The following GNAS-AS1 variants were observed in gnomAD, a reference collection of about 807,000 sequenced individuals.
GNAS-AS1 encodes the protein GNAS antisense RNA 1.
At chr20:58,821,873 G>A (rs1158182418) in intron 4 of GNAS-AS1, among the ~76,000 whole-genome samples, 1 of 152,122 alleles carries the variant, frequency 6.6e-6, no homozygotes, top group Non-Finnish European at 1.5e-5. Flanking sequence ...GCCCACAACA[G>A]CCCCAACAGA....
chr20:58,836,781 C>T (rs149212821), intron 4 of GNAS-AS1, among the ~76,000 whole-genome samples: 1 of 152,196 alleles, frequency 6.6e-6, no homozygotes, highest in African/African-American at 2.4e-5. Flanking sequence ...AGTGCAGTCC[C>T]CCACTCCTTC....
At chr20:58,843,864 T>C (rs575553158) in intron 2 of GNAS-AS1, among the ~76,000 whole-genome samples, 35 of 152,324 alleles carry the variant, frequency 2.3e-4, no homozygotes, top group South Asian at 4.1e-4. Context: ...CAACCTGATG[T>C]AGGTTTAAAG....
rs369425917 is a variant in GNAS-AS1 at position 58,832,161 on chromosome 20, C to T, written n.819+9776G>A. ...ATTTCTATAAATACATAATAAGAGG[C>T]CTGAAAATATAATTAAAAAAAGAGT... is the stretch of plus-strand genomic sequence containing the variant. On this transcript the variant is annotated intron_variant and non_coding_transcript_variant, in intron 4 of 4. Coordinates refer to ENST00000424094, the Ensembl canonical transcript of GNAS-AS1. Among the ~76,000 whole-genome samples, 12 of 151,424 alleles carry T rather than the reference C, an allele frequency of 7.9e-5. No individual in the cohort carries two copies. The East Asian group carries it at 2.1e-3, about 27-fold the overall frequency.
chr20:58,830,436 A>G (rs1263440774), intron 4 of GNAS-AS1, among the ~76,000 whole-genome samples: 5 of 78,108 alleles, frequency 6.4e-5, no homozygotes, highest in East Asian at 3.9e-4. Context: ...CCACACCACC[A>G]TCATTACCAC....
intron 4 of GNAS-AS1, among the ~76,000 whole-genome samples, chr20:58,833,126 CTCCTCCACTTAAGTCA>C (rs2145459636): frequency 6.6e-6 from 1 of 152,384 alleles, no homozygotes; most frequent in South Asian, 2.1e-4. Context: ...AGGCGAGGAT[CTCCTCCACTTAAGTCA>C]AATCTCACAT....
intron 4 of GNAS-AS1, among the ~76,000 whole-genome samples, chr20:58,828,394 C>A (rs987710305): frequency 1.3e-5 from 2 of 152,226 alleles, no homozygotes; most frequent in Admixed American, 6.5e-5. Flanking sequence ...GACATCTGAG[C>A]CCTTGGCTCA....
intron 4 of GNAS-AS1, among the ~76,000 whole-genome samples, chr20:58,821,060 C>T (rs1226649416): frequency 6.6e-6 from 1 of 152,238 alleles, no homozygotes; most frequent in Admixed American, 6.5e-5. Context: ...TTCAAGCCAG[C>T]AGGGCCCTGC....
chr20:58,842,082 C>T (rs1797864870), exon 4 of GNAS-AS1: 7 of 409,748 alleles, frequency 1.7e-5, no homozygotes, highest in East Asian at 3.6e-5. Flanking sequence ...CGGCGTGCTC[C>T]GGCCATTTTC....
At chr20:58,850,896 G>C (rs981279708) in exon 1 of GNAS-AS1, 1 of 398,580 alleles carries the variant, frequency 2.5e-6, no homozygotes, top group Non-Finnish European at 4.4e-6. Flanking sequence ...CCAACGCGGC[G>C]CCCCCTATTG....
At chr20:58,842,358 C>T (rs1600663902) in intron 3 of GNAS-AS1, 1 of 397,938 alleles carries the variant, frequency 2.5e-6, no homozygotes, top group Non-Finnish European at 4.4e-6. Context: ...AATAGTAAAG[C>T]GTTTTGAGGG....
intron 4 of GNAS-AS1, among the ~76,000 whole-genome samples, chr20:58,838,453 G>A (rs999131667): frequency 1.3e-5 from 2 of 152,222 alleles, no homozygotes; most frequent in Admixed American, 6.5e-5. Context: ...GGTGGGTACA[G>A]AGGGATTCTG....
intron 4 of GNAS-AS1, chr20:58,836,296 T>C (rs368718967): frequency 5.9e-5 from 9 of 152,322 alleles, no homozygotes; most frequent in South Asian, 2.1e-4. Context: ...GCCCACTCCA[T>C]GTCAGATTCT....
chr20:58,820,754 C>T (rs141405438), intron 4 of GNAS-AS1, among the ~76,000 whole-genome samples: 6 of 152,342 alleles, frequency 3.9e-5, no homozygotes, highest in East Asian at 1.9e-4. Context: ...AGAGCGCTTG[C>T]GCAGGCAAAC....
At chr20:58,819,389 T>C (rs2085469909) in intron 4 of GNAS-AS1, 4 of 397,398 alleles carry the variant, frequency 1.0e-5, no homozygotes, top group Non-Finnish European at 1.8e-5. Context: ...CTTGATATCT[T>C]GCTTCCAACG....
rs573138186 is a variant in GNAS-AS1, at chr20:58,828,837, G to A, written n.820-9582C>T. Among the ~76,000 whole-genome samples the A allele has an allele frequency of 2.0e-3, 304 of 151,848 alleles. 1 individual carries two copies. The highest frequency in any genetic ancestry group is 7.1e-3 in the African/African-American group (292 of 41,342). On this transcript the variant is annotated intron_variant and non_coding_transcript_variant, in intron 4 of 4. Coordinates refer to ENST00000424094, the Ensembl canonical transcript of GNAS-AS1. ...TTAGCCCCACCACCCCACTCAACATGGCAGAGCTCCTGGCCCCACCGCCCC... is the reference window on the plus strand; with the variant it reads ...TTAGCCCCACCACCCCACTCAACATAGCAGAGCTCCTGGCCCCACCGCCCC...
Position 58,840,680 on chromosome 20 carries a change from G to C in GNAS-AS1, n.819+1257C>G. On this transcript the variant is annotated intron_variant and non_coding_transcript_variant, in intron 4 of 4. Transcript: ENST00000424094. This position sits in a 1 kb window ranked among gnomAD's most constrained non-coding sequence, Gnocchi z 6.0. ...GGAGCCCCAGAGCCCCAGGGAAGGG[G>C]AGGAGCTCAAGCCCGAGGACAAAGA... 1.2e-6 allele frequency: 2 copies of C among 1,604,766 alleles called. No individual in the cohort carries two copies. The highest frequency in any genetic ancestry group is 8.5e-7 in the Non-Finnish European group (1 of 1,179,532).
rs573437904 is a variant in GNAS-AS1 at position 58,820,946 on chromosome 20, C to T, written n.820-1691G>A. Among the ~76,000 whole-genome samples the T allele has an allele frequency of 2.1e-4, 32 of 152,272 alleles. No homozygotes were observed. In the South Asian group the frequency reaches 5.8e-3, roughly 28 times the overall value. On this transcript the variant is annotated intron_variant and non_coding_transcript_variant, in intron 4 of 4. Transcript: ENST00000424094. ...ACACAGAGCCAAACCATATCAGATC[C>T]CCTTCAGTGAAAAGACCCCAGCTAC...
In GNAS-AS1 at chr20:58,839,812, CG is replaced by C. The variant is rs1431804157; in HGVS notation, n.819+2124del. On this transcript the variant is annotated intron_variant and non_coding_transcript_variant, in intron 4 of 4. Coordinates refer to ENST00000424094, the Ensembl canonical transcript of GNAS-AS1. ...GGCACCTCTCTCGAGTCTTAGGCTG[CG>C]GAATCTAAGACTCAGCGAGAGGAGC... 1.9e-5 allele frequency: 11 copies of C among 585,224 alleles called. No homozygotes were observed. In the South Asian group the frequency reaches 2.4e-4, roughly 13 times the overall value. The allele number at this position is 585,224 out of a possible 1,614,324, so 36.3% of individuals were successfully genotyped here. A position where few individuals can be genotyped will look rare whatever the true frequency, so the allele number is the denominator to read the frequency against.
At chr20:58,828,197 C>T (rs2085533026) in intron 4 of GNAS-AS1, among the ~76,000 whole-genome samples, 1 of 152,202 alleles carries the variant, frequency 6.6e-6, no homozygotes, top group Non-Finnish European at 1.5e-5. Context: ...CTTTGCCAGG[C>T]TGATTACTAA....
Sources: allele counts gnomAD v4.1 joint callset (sites outside exome capture counted in the v4.1 genomes callset), GRCh38; gene constraint gnomAD v4.1.1; non-coding constraint Gnocchi (gnomAD v3.1); transcripts MANE v1.5; gene names NCBI Gene and HGNC (gene_info 2026-07-23, HGNC 2026-07-21).